DNAJC6: variants seen among roughly 807,000 people sequenced by gnomAD.
The protein encoded by DNAJC6 is auxilin.
Under a neutral mutation model 110.0 loss-of-function variants are expected in DNAJC6, and 34 were observed. The ratio of observed to expected loss-of-function variants is 0.31; its 90% CI spans 0.24 to 0.41. DNAJC6 has a LOEUF of 0.41. Among genes scored for constraint, DNAJC6 ranks in the 10% least tolerant of loss-of-function variants. The pLI, the probability that DNAJC6 is intolerant of heterozygous loss-of-function variation, is 1.00. For missense variants in DNAJC6, 1,031 were observed against 1,207.8 expected (o/e 0.85, Z 2.17); for synonymous variants, 406 against 437.2 (o/e 0.93, Z 0.89).
intron 1 of DNAJC6, among the ~76,000 whole-genome samples, chr1:65,360,603 C>T (rs1168419957): frequency 6.6e-6 from 1 of 152,152 alleles, no homozygotes; most frequent in Non-Finnish European, 1.5e-5. Flanking sequence ...GCTCTATCCT[C>T]ACTATATTTA....
intron 4 of DNAJC6, among the ~76,000 whole-genome samples, chr1:65,371,045 G>A (rs905220250): frequency 1.3e-5 from 2 of 152,140 alleles, no homozygotes; most frequent in Non-Finnish European, 2.9e-5. Flanking sequence ...GAGGACCAGA[G>A]ACTCCCACAT....
chr1:65,378,945 A>G (rs556114505), intron 4 of DNAJC6, among the ~76,000 whole-genome samples: 50 of 152,320 alleles, frequency 3.3e-4, no homozygotes, highest in African/African-American at 1.2e-3. Context: ...AAAGAGAAAA[A>G]AAATAGATCC....
At chr1:65,351,520 G>T (rs1174585980) in intron 1 of DNAJC6, among the ~76,000 whole-genome samples, 3 of 152,164 alleles carry the variant, frequency 2.0e-5, no homozygotes, top group Non-Finnish European at 4.4e-5. Flanking sequence ...TCTCCAGGAG[G>T]TCTAGGTATT....
At chr1:65,331,454 A>C (rs1275370233) in intron 1 of DNAJC6, among the ~76,000 whole-genome samples, 1 of 152,192 alleles carries the variant, frequency 6.6e-6, no homozygotes, top group Non-Finnish European at 1.5e-5. Flanking sequence ...AGGTATGATA[A>C]CTAATTCTAA....
At chr1:65,344,719 C>T (rs942541372) in intron 1 of DNAJC6, among the ~76,000 whole-genome samples, 11 of 152,072 alleles carry the variant, frequency 7.2e-5, no homozygotes, top group African/African-American at 9.7e-5. Context: ...TGATTTACAG[C>T]GAAATCCAGC....
intron 17 of DNAJC6, among the ~76,000 whole-genome samples, chr1:65,410,287 T>C (rs1646116127): frequency 6.6e-6 from 1 of 152,310 alleles, no homozygotes; most frequent in East Asian, 1.9e-4. Context: ...CAGATGTATA[T>C]AATATACATC....
rs1274169602 is a variant in DNAJC6, at chr1:65,322,627, G to A, written c.193+12689G>A. On this transcript the variant is annotated intron_variant, in intron 1 of 18. Coordinates refer to ENST00000371069, the MANE Select transcript of DNAJC6 (RefSeq NM_001256864.2). ...ATACCTGTGGGAAAAATTCCTAGAA[G>A]TGGAATTACTAAGAGAAAGAACATA... 3.9e-5 allele frequency among the ~76,000 whole-genome samples: 6 copies of A among 152,174 alleles called. No individual in the cohort carries two copies. The East Asian group carries it at 1.2e-3, about 29-fold the overall frequency.
intron 1 of DNAJC6, among the ~76,000 whole-genome samples, chr1:65,290,144 C>A (rs898024941): frequency 2.0e-5 from 3 of 152,164 alleles, no homozygotes; most frequent in Non-Finnish European, 4.4e-5. Context: ...ACGTATATAT[C>A]TTACAGTTCT....
chr1:65,373,483 G>A (rs1421056007), intron 4 of DNAJC6, among the ~76,000 whole-genome samples: 2 of 152,088 alleles, frequency 1.3e-5, no homozygotes, highest in Admixed American at 1.3e-4. Flanking sequence ...TTTAACTGAA[G>A]TGAGATGACA....
chr1:65,376,290 T>A (rs539343651), intron 4 of DNAJC6, among the ~76,000 whole-genome samples: 1 of 152,140 alleles, frequency 6.6e-6, no homozygotes, highest in South Asian at 2.1e-4. Flanking sequence ...CTCTTTTTCT[T>A]AGCTTACCTA....
chr1:65,410,036 A>G (rs75314062), intron 17 of DNAJC6, among the ~76,000 whole-genome samples: 2 of 152,196 alleles, frequency 1.3e-5, no homozygotes, highest in East Asian at 3.8e-4. Flanking sequence ...GATGAGTGGT[A>G]TGAGGTCTGG....
intron 5 of DNAJC6, among the ~76,000 whole-genome samples, chr1:65,383,271 G>A (rs1213754789): frequency 2.0e-5 from 3 of 152,200 alleles, no homozygotes; most frequent in Admixed American, 1.3e-4. Flanking sequence ...CAACAGGAAT[G>A]TAGTTCTGGA....
intron 14 of DNAJC6, among the ~76,000 whole-genome samples, chr1:65,400,492 A>G (rs959483366): frequency 5.9e-5 from 9 of 152,064 alleles, no homozygotes; most frequent in African/African-American, 2.2e-4. Flanking sequence ...CCTACCTCCA[A>G]CCACCCCAGC....
upstream of DNAJC6, chr1:65,306,306 C>G (rs1034492096): frequency 4.6e-5 from 7 of 152,184 alleles, no homozygotes; most frequent in African/African-American, 1.7e-4. Context: ...CTCAGCCTCC[C>G]AAAGTGCCAG....
chr1:65,346,656 A>G (rs1400112681), intron 1 of DNAJC6, among the ~76,000 whole-genome samples: 2 of 152,068 alleles, frequency 1.3e-5, no homozygotes, highest in Non-Finnish European at 2.9e-5. Context: ...GGAGACTGTA[A>G]TACTCATCTT....
chr1:65,397,692 G>T (rs535072660), intron 13 of DNAJC6, among the ~76,000 whole-genome samples: 66 of 152,280 alleles, frequency 4.3e-4, no homozygotes, highest in African/African-American at 1.5e-3. Context: ...AAGGAAATCA[G>T]ATAGAACGTA....
intron 1 of DNAJC6, among the ~76,000 whole-genome samples, chr1:65,359,227 A>G (rs1570322907): frequency 2.0e-5 from 3 of 152,212 alleles, no homozygotes; most frequent in Admixed American, 2.0e-4. Flanking sequence ...CCAACTAGCA[A>G]TCTAGTGGGA....
intron 13 of DNAJC6, among the ~76,000 whole-genome samples, chr1:65,397,217 G>A (rs374114532): frequency 5.3e-5 from 8 of 152,206 alleles, no homozygotes; most frequent in Admixed American, 2.0e-4. Context: ...TCAACTCCCC[G>A]TCTTCACATA....
chr1:65,284,585 C>T (rs529079673), intron 1 of DNAJC6, among the ~76,000 whole-genome samples: 2 of 152,214 alleles, frequency 1.3e-5, no homozygotes, highest in South Asian at 2.1e-4. Flanking sequence ...GATTCAGAGA[C>T]GGCTGCCTCA....
Sources: gnomAD v4.1 joint callset for allele counts (sites outside exome capture counted in the v4.1 genomes callset) on GRCh38, gnomAD v4.1.1 for gene constraint, MANE v1.5 for transcripts, NCBI Gene and HGNC (gene_info 2026-07-23, HGNC 2026-07-21) for gene names.